Variants in ALK observed in about 807,000 individuals in gnomAD.
ALK encodes ALK tyrosine kinase receptor.
ALK carries 74 observed loss-of-function variants against 163.1 expected under a neutral mutation model. That is an observed-to-expected ratio of 0.45 (90% CI 0.38 to 0.55). ALK has a LOEUF of 0.55. Ranked by LOEUF, ALK falls within the 20% of genes least tolerant of loss-of-function variation. ALK has a pLI of 0.00. For synonymous variants in ALK, 960 were observed against 843.2 expected (o/e 1.14, Z -2.40); for missense variants, 2,063 against 2,105.3 (o/e 0.98, Z 0.39).
At chr2:29,211,429 C>T (rs982292807) in intron 24 of ALK, among the ~76,000 whole-genome samples, 6 of 152,066 alleles carry the variant, frequency 3.9e-5, no homozygotes, top group East Asian at 1.9e-4. Flanking sequence ...AAAAAGTGAT[C>T]GTGAATTTAA....
intron 1 of ALK, among the ~76,000 whole-genome samples, chr2:29,736,558 T>C (rs1380109918): frequency 2.0e-5 from 3 of 152,222 alleles, no homozygotes; most frequent in Non-Finnish European, 4.4e-5. Flanking sequence ...GAATTATTTA[T>C]TAATGAAGCA....
intron 24 of ALK, among the ~76,000 whole-genome samples, chr2:29,212,749 C>T (rs1387552684): frequency 8.6e-6 from 1 of 116,776 alleles, no homozygotes; most frequent in Non-Finnish European, 2.1e-5. Context: ...TCTTGTTGCC[C>T]AGGCTGGAGT....
At chr2:29,901,077 C>T (rs899083904) in intron 1 of ALK, among the ~76,000 whole-genome samples, 13 of 152,072 alleles carry the variant, frequency 8.5e-5, no homozygotes, top group East Asian at 1.9e-4. Flanking sequence ...AGATTTGGAA[C>T]GAGGAGGGGA....
chr2:29,858,692 A>C (rs1289987737), intron 1 of ALK, among the ~76,000 whole-genome samples: 2 of 152,050 alleles, frequency 1.3e-5, no homozygotes, highest in Non-Finnish European at 2.9e-5. Flanking sequence ...GCAGTGAGCC[A>C]AGATTGCCTC....
chr2:29,605,971 G>GA (rs35483903), intron 3 of ALK, among the ~76,000 whole-genome samples: 1 of 151,856 alleles, frequency 6.6e-6, no homozygotes. Flanking sequence ...GGGTCCCAAA[G>GA]AAAAAAATCT....
chr2:29,766,211 A>G (rs1335304168), intron 1 of ALK, among the ~76,000 whole-genome samples: 2 of 152,216 alleles, frequency 1.3e-5, no homozygotes, highest in African/African-American at 4.8e-5. Flanking sequence ...GGACACAGCA[A>G]TAGTTCCAAT....
In ALK at chr2:29,699,291, C is replaced by T. The variant is rs376635736; in HGVS notation, c.788-4277G>A. ...TCCACGCACTGTCCTGGGTGTTTTC[C>T]TTCCATCACTGTACCTCATCTGCAG... is the stretch of plus-strand genomic sequence containing the variant. On this transcript the variant is annotated intron_variant, in intron 2 of 28. Transcript: ENST00000389048. Among the ~76,000 whole-genome samples the T allele has an allele frequency of 3.3e-5, 5 of 152,312 alleles. No homozygotes were observed. The South Asian group carries it at 8.3e-4, about 25-fold the overall frequency.
At chr2:29,209,533 A>T (rs1669405657) in intron 25 of ALK, among the ~76,000 whole-genome samples, 1 of 139,362 alleles carries the variant, frequency 7.2e-6, no homozygotes, top group Non-Finnish European at 1.5e-5. Context: ...CAAGAGCGAA[A>T]CTCCGTCTCA....
chr2:29,539,197 C>A (rs1673344705), intron 3 of ALK, among the ~76,000 whole-genome samples: 1 of 152,188 alleles, frequency 6.6e-6, no homozygotes, highest in African/African-American at 2.4e-5. Context: ...ATATTTCTCA[C>A]TGCAGTGAAT....
chr2:29,737,732 C>T (rs1355265597), intron 1 of ALK, among the ~76,000 whole-genome samples: 2 of 152,062 alleles, frequency 1.3e-5, no homozygotes, highest in South Asian at 2.1e-4. Context: ...TATTGGGAAG[C>T]GTTACCTCCA....
chr2:29,574,327 T>G (rs1674463411), intron 3 of ALK, among the ~76,000 whole-genome samples: 1 of 152,232 alleles, frequency 6.6e-6, no homozygotes, highest in Non-Finnish European at 1.5e-5. Context: ...AGGGAGATCC[T>G]GAATAAGAAG....
At chr2:29,745,886 G>GAGATCTGT (rs1680196285) in intron 1 of ALK, among the ~76,000 whole-genome samples, 1 of 152,174 alleles carries the variant, frequency 6.6e-6, no homozygotes, top group South Asian at 2.1e-4. Context: ...TAAAAACCCT[G>GAGATCTGT]AGATCTGTAG....
At chr2:29,910,003 C>A (rs1349891804) in intron 1 of ALK, among the ~76,000 whole-genome samples, 23 of 144,810 alleles carry the variant, frequency 1.6e-4, no homozygotes, top group African/African-American at 5.7e-4. Flanking sequence ...AAAACAACTG[C>A]AAGGTATGCA....
At chr2:29,225,624 C>T (rs1663957064) in intron 18 of ALK, 59 bp from the exon 19 acceptor site, 1 of 1,436,182 alleles carries the variant, frequency 7.0e-7, no homozygotes, top group Admixed American at 1.9e-5. Flanking sequence ...TTGAGTTGGT[C>T]CCAAGTCAGA....
chr2:29,285,445 T>C (rs1394588929), intron 9 of ALK, among the ~76,000 whole-genome samples: 1 of 152,122 alleles, frequency 6.6e-6, no homozygotes, highest in Non-Finnish European at 1.5e-5. Context: ...GAGATGGGGT[T>C]TCACTATGTT....
At chr2:29,658,199 T>C (rs1677244757) in intron 3 of ALK, among the ~76,000 whole-genome samples, 2 of 152,192 alleles carry the variant, frequency 1.3e-5, no homozygotes, top group Non-Finnish European at 2.9e-5. Flanking sequence ...TCTGCCTTTG[T>C]GTAGCACTCA....
intron 4 of ALK, among the ~76,000 whole-genome samples, chr2:29,402,998 G>A (rs186482599): frequency 1.1e-4 from 16 of 152,228 alleles, no homozygotes; most frequent in Non-Finnish European, 1.9e-4. Flanking sequence ...GAGTGTGGGG[G>A]CATGGTGCTT....
At chr2:29,228,822 G>A (rs1573134260) in intron 16 of ALK, 62 bp downstream of exon 16, 3 of 1,105,434 alleles carry the variant, frequency 2.7e-6, no homozygotes, top group South Asian at 2.5e-5. Context: ...GCAGGGCAGG[G>A]AGGTGAGGAG....
chr2:29,847,468 C>G (rs552267426), intron 1 of ALK, among the ~76,000 whole-genome samples: 8 of 152,060 alleles, frequency 5.3e-5, no homozygotes, highest in African/African-American at 1.9e-4. Flanking sequence ...TTATAATTAC[C>G]CCGTGATGAC....
Sources: gnomAD v4.1 joint callset for allele counts (sites outside exome capture counted in the v4.1 genomes callset) on GRCh38, gnomAD v4.1.1 for gene constraint, MANE v1.5 for transcripts, NCBI Gene and HGNC (gene_info 2026-07-23, HGNC 2026-07-21) for gene names.